ACACA: variants seen among roughly 807,000 people sequenced by gnomAD.
The protein encoded by ACACA is acetyl-CoA carboxylase alpha.
In ACACA, 103 loss-of-function variants were observed where a neutral mutation model predicts 296.1. The ratio of observed to expected loss-of-function variants is 0.35; its 90% CI spans 0.30 to 0.41. The LOEUF (loss-of-function observed/expected upper bound fraction) is 0.41. Ranked by LOEUF, ACACA falls within the 10% of genes least tolerant of loss-of-function variation. The probability of loss-of-function intolerance (pLI) is 1.00; values close to 1 mark genes in which losing one functional copy is unlikely to be tolerated. For synonymous variants in ACACA, 953 were observed against 1,038.6 expected, an observed-to-expected ratio of 0.92 and a Z score of 1.58; for missense variants, 1,554 against 2,989.7, an observed-to-expected ratio of 0.52 and a Z score of 11.20.
At chr17:37,242,310 T>C (rs1442978730) in intron 22 of ACACA, among the ~76,000 whole-genome samples, 1 of 152,142 alleles carries the variant, frequency 6.6e-6, no homozygotes, top group African/African-American at 2.4e-5. Context: ...CTTACCAATA[T>C]CTGTTCAAGG....
At chr17:37,135,084 C>A (rs776082292) in intron 45 of ACACA, among the ~76,000 whole-genome samples, 4 of 152,182 alleles carry the variant, frequency 2.6e-5, no homozygotes, top group South Asian at 2.1e-4. Context: ...AGCTAATATC[C>A]TCCTCCCTGA....
chr17:37,245,199 T>C lies in ACACA; in HGVS notation c.2476A>G (p.Met826Val), dbSNP rs1255779101. The C allele has an allele frequency of 6.2e-7, 1 of 1,614,030 alleles. No individual in the cohort carries two copies. The highest frequency in any genetic ancestry group is 1.3e-5 in the African/African-American group (1 of 75,052). Reference protein sequence around the residue: ...YAEIEVMKMVMTLTAVESGCI... With the variant: ...YAEIEVMKMVVTLTAVESGCI... The stretch of plus-strand genomic sequence containing the variant: ...CCAGACTCCACAGCTGTTAAGGTCA[T>C]TACCATCTTCATTACCTATAGTGAA... The change falls in exon 20 of 56, where the codon ATG (methionine) becomes GTG (valine). Residue 826 changes from methionine (M) to valine (V), a missense_variant. Met to Val is a conservative substitution (Grantham distance 21). Transcript: ENST00000616317.
intron 1 of ACACA, among the ~76,000 whole-genome samples, chr17:37,400,752 G>A (rs188233934): frequency 5.5e-4 from 83 of 152,138 alleles, no homozygotes; most frequent in Non-Finnish European, 1.0e-3. Flanking sequence ...GTGTGTGTGT[G>A]TGTGTGTGTA....
Position 37,200,423 on chromosome 17 carries a change from G to A in ACACA, c.4113+4C>T. The A allele has an allele frequency of 6.2e-7, 1 of 1,608,668 alleles. No homozygotes were observed. The highest frequency in any genetic ancestry group is 8.5e-7 in the Non-Finnish European group (1 of 1,175,024). ...TTAAAGAGGTACAATTCACATGTCA[G>A]TACCTTTTGTGCAACCAGGAAAGTA... On this transcript the variant is annotated splice_donor_region_variant and intron_variant, in intron 34 of 55. Coordinates refer to ENST00000616317, the MANE Select transcript of ACACA (RefSeq NM_198834.3).
chr17:37,205,393 C>T (rs1413985606), intron 33 of ACACA, among the ~76,000 whole-genome samples: 1 of 151,870 alleles, frequency 6.6e-6, no homozygotes, highest in African/African-American at 2.4e-5. Flanking sequence ...CTGATAGTTT[C>T]AAAGGAGGGG....
At chr17:37,247,014 C>T (rs199856273) in intron 18 of ACACA, 38 bp from the exon 19 acceptor site, 53 of 1,610,988 alleles carry the variant, frequency 3.3e-5, no homozygotes, top group Admixed American at 1.7e-4. Context: ...TAAGAAAGCA[C>T]CTCAGGATGT....
chr17:37,255,240 A>G (rs2081176634), intron 14 of ACACA, among the ~76,000 whole-genome samples: 2 of 152,204 alleles, frequency 1.3e-5, no homozygotes, highest in Admixed American at 1.3e-4. Flanking sequence ...TAGCAGTAAC[A>G]AGACACAGTC....
At chr17:37,178,791 A>T (rs1268970003) in intron 41 of ACACA, among the ~76,000 whole-genome samples, 1 of 152,198 alleles carries the variant, frequency 6.6e-6, no homozygotes, top group Non-Finnish European at 1.5e-5. Context: ...ACAGAGCGAG[A>T]CACCATCTCA....
intron 1 of ACACA, among the ~76,000 whole-genome samples, chr17:37,381,691 G>C (rs577226540): frequency 6.9e-6 from 1 of 145,616 alleles, no homozygotes; most frequent in Non-Finnish European, 1.5e-5. Context: ...GCAGTGGTGC[G>C]ATCTCAGCTC....
At chr17:37,214,376 T>C (rs2078892997) in intron 29 of ACACA, among the ~76,000 whole-genome samples, 1 of 152,210 alleles carries the variant, frequency 6.6e-6, no homozygotes, top group African/African-American at 2.4e-5. Context: ...TTCATTCATT[T>C]GCAGCCCCTC....
Position 37,406,536 on chromosome 17 carries a change from G to A in ACACA, c.-237C>T. The A allele has an allele frequency of 1.6e-6, 1 of 611,610 alleles. No homozygotes were observed. Among genetic ancestry groups the A allele is most frequent in the East Asian group, 2.7e-5 (1 of 36,412 alleles). The allele number at this position is 611,610 out of a possible 1,614,324, so 37.9% of individuals were successfully genotyped here. On this transcript the variant is annotated 5_prime_UTR_variant, in exon 1 of 56. Coordinates refer to ENST00000616317, the MANE Select transcript of ACACA (RefSeq NM_198834.3). ...CTCAATTTCCCTTGCTGCAACAGGGGTGGAGATGGGAACGTTATCCCCAAA... is the reference window on the plus strand; with the variant it reads ...CTCAATTTCCCTTGCTGCAACAGGGATGGAGATGGGAACGTTATCCCCAAA...
chr17:37,286,463 G>A (rs952707727), intron 3 of ACACA, among the ~76,000 whole-genome samples: 1 of 152,086 alleles, frequency 6.6e-6, no homozygotes, highest in Non-Finnish European at 1.5e-5. Flanking sequence ...TGTGACAATG[G>A]GGCCAAGATT....
At chr17:37,280,552 A>G (rs901352850) in intron 5 of ACACA, among the ~76,000 whole-genome samples, 1 of 152,166 alleles carries the variant, frequency 6.6e-6, no homozygotes, top group African/African-American at 2.4e-5. Context: ...ATCTTAAGGT[A>G]GAGTATCTTC....
chr17:37,231,940 C>G (rs75452662), intron 25 of ACACA, among the ~76,000 whole-genome samples: 7 of 152,134 alleles, frequency 4.6e-5, no homozygotes, highest in Admixed American at 1.3e-4. Context: ...AATAAATGTA[C>G]TATTGGTCTT....
At chr17:37,207,925 G>A in intron 30 of ACACA, 125 bp from the exon 31 acceptor site, 2 of 1,124,720 alleles carry the variant, frequency 1.8e-6, no homozygotes, top group Admixed American at 1.8e-5. Context: ...AGCAGATTTG[G>A]TTTTTTTACC....
At chr17:37,186,750 T>C (rs1032181109) in intron 39 of ACACA, among the ~76,000 whole-genome samples, 22 of 152,192 alleles carry the variant, frequency 1.4e-4, no homozygotes, top group Admixed American at 6.5e-4. Flanking sequence ...GAAGGTGGTT[T>C]GTTCATTCTT....
chr17:37,389,549 A>ACTT (rs1275470740), intron 1 of ACACA, among the ~76,000 whole-genome samples: 1 of 151,936 alleles, frequency 6.6e-6, no homozygotes, highest in Non-Finnish European at 1.5e-5. Flanking sequence ...AAAATTAGCC[A>ACTT]GGTGGCACAT....
intron 1 of ACACA, chr17:37,389,279 T>G (rs368731173): frequency 1.9e-6 from 3 of 1,596,736 alleles, no homozygotes; most frequent in Non-Finnish European, 2.6e-6. Flanking sequence ...GCTGTGCCAA[T>G]GCCAGTGGTT....
chr17:37,122,508 C>G (rs752648872), intron 49 of ACACA, 23 bp downstream of exon 49: 6 of 1,593,020 alleles, frequency 3.8e-6, no homozygotes, highest in Non-Finnish European at 5.2e-6. Context: ...AGCACAGCCC[C>G]CAGTGTACTT....
Sources: gnomAD v4.1 joint callset for allele counts (sites outside exome capture counted in the v4.1 genomes callset) on GRCh38, gnomAD v4.1.1 for gene constraint, MANE v1.5 for transcripts, NCBI Gene and HGNC (gene_info 2026-07-23, HGNC 2026-07-21) for gene names.